The following CATSPERB variants were observed in gnomAD, a reference collection of about 807,000 sequenced individuals.
The protein encoded by CATSPERB is cation channel sperm-associated auxiliary subunit beta.
CATSPERB carries 93 observed loss-of-function variants against 128.3 expected under a neutral mutation model. The observed-to-expected ratio is 0.72, with a 90% CI of 0.61 to 0.86. CATSPERB has a LOEUF of 0.86. Ranked by LOEUF, CATSPERB falls within the 40% of genes least tolerant of loss-of-function variation. The pLI, the probability that CATSPERB is intolerant of heterozygous loss-of-function variation, is 0.00. For missense variants in CATSPERB, 1,153 were observed against 1,329.5 expected, an observed-to-expected ratio of 0.87 and a Z score of 2.06; for synonymous variants, 381 against 448.8, an observed-to-expected ratio of 0.85 and a Z score of 1.91.
At chr14:91,705,964 G>GAA (rs11411160) in intron 6 of CATSPERB, among the ~76,000 whole-genome samples, 3 of 151,570 alleles carry the variant, frequency 2.0e-5, no homozygotes, top group African/African-American at 7.3e-5. Flanking sequence ...AAAAAAATGA[G>GAA]AAAAAAAAGA....
intron 7 of CATSPERB, among the ~76,000 whole-genome samples, chr14:91,702,707 A>ACACACACACACAC (rs1555364571): frequency 1.3e-5 from 1 of 76,110 alleles, no homozygotes; most frequent in Non-Finnish European, 3.0e-5. Context: ...CACACACACA[A>ACACACACACACAC]ACCAAAAACA....
chr14:91,728,200 G>A (rs1896150290), intron 2 of CATSPERB, among the ~76,000 whole-genome samples: 1 of 152,120 alleles, frequency 6.6e-6, no homozygotes, highest in African/African-American at 2.4e-5. Context: ...TGCAACTTCT[G>A]CCTCCTGGGG....
chr14:91,657,580 A>G (rs1894808856), intron 15 of CATSPERB, among the ~76,000 whole-genome samples: 1 of 152,148 alleles, frequency 6.6e-6, no homozygotes, highest in Admixed American at 6.5e-5. Context: ...AAGTGAACAG[A>G]CAATCCACAG....
intron 22 of CATSPERB, chr14:91,603,096 G>A (rs1595141608): frequency 1.3e-6 from 1 of 786,176 alleles, no homozygotes; most frequent in African/African-American, 1.7e-5. Context: ...TTATTTCTTG[G>A]CATCATCTCT....
intron 5 of CATSPERB, among the ~76,000 whole-genome samples, chr14:91,714,234 T>C (rs564402174): frequency 2.7e-5 from 4 of 149,986 alleles, no homozygotes; most frequent in African/African-American, 9.8e-5. Flanking sequence ...TACTATTCCT[T>C]TCATACTGGA....
intron 19 of CATSPERB, among the ~76,000 whole-genome samples, chr14:91,620,205 G>A (rs1894017434): frequency 6.6e-6 from 1 of 152,072 alleles, no homozygotes; most frequent in Non-Finnish European, 1.5e-5. Context: ...TGCTGCTTTA[G>A]GAAAACTCTG....
chr14:91,719,533 T>C, intron 4 of CATSPERB, 55 bp from the exon 5 acceptor site: 4 of 1,276,454 alleles, frequency 3.1e-6, no homozygotes, highest in Non-Finnish European at 4.5e-6. Flanking sequence ...TAACAACACA[T>C]CACATTCTAT....
At chr14:91,621,527 G>A (rs1047448844) in intron 19 of CATSPERB, 81 bp downstream of exon 19, 1 of 1,121,082 alleles carries the variant, frequency 8.9e-7, no homozygotes, top group African/African-American at 1.6e-5. Flanking sequence ...GATAAAGTCA[G>A]TCAGTATCAA....
At chr14:91,615,178 T>A (rs984477855) in intron 20 of CATSPERB, among the ~76,000 whole-genome samples, 2 of 151,966 alleles carry the variant, frequency 1.3e-5, no homozygotes, top group South Asian at 4.2e-4. Context: ...AGGAGGTGAG[T>A]GGCAGAGAAG....
chr14:91,707,361 A>G (rs1213836464), intron 6 of CATSPERB, among the ~76,000 whole-genome samples: 1 of 152,174 alleles, frequency 6.6e-6, no homozygotes, highest in Non-Finnish European at 1.5e-5. Context: ...TTTTATATTG[A>G]TATTTCAGTA....
rs532783295 is a variant in CATSPERB, at chr14:91,691,384, A to T, written c.864+139T>A. ...TGCTACAAATTCATATATATAAAAA[A>T]ATATATATTTTGTTTAAACTATAAA... On this transcript the variant is annotated intron_variant, in intron 10 of 26. Transcript: ENST00000256343. 2.6e-4 allele frequency: 102 copies of T among 397,992 alleles called. No individual in the cohort carries two copies. The South Asian group carries it at 3.2e-3, about 12-fold the overall frequency. The allele number at this position is 397,992 out of a possible 1,614,324, so 24.7% of individuals were successfully genotyped here.
intron 17 of CATSPERB, among the ~76,000 whole-genome samples, chr14:91,628,805 G>C (rs1346418818): frequency 4.6e-5 from 7 of 152,160 alleles, no homozygotes; most frequent in Non-Finnish European, 7.3e-5. Flanking sequence ...TCAGGGAAAT[G>C]CAAATTAACA....
At chr14:91,612,339 C>CG (rs1157584939) in intron 20 of CATSPERB, among the ~76,000 whole-genome samples, 1 of 152,126 alleles carries the variant, frequency 6.6e-6, no homozygotes, top group African/African-American at 2.4e-5. Flanking sequence ...TTTATAGAGA[C>CG]GGGGTCTCGC....
chr14:91,694,097 G>A lies in CATSPERB; in HGVS notation c.617-618C>T, dbSNP rs190745295. Reference sequence around the variant, plus strand: ...CCACTTGATCTTCACTTCTATTTGTGAACTGCCATGCACATAAATAATAAA... The same window carrying A: ...CCACTTGATCTTCACTTCTATTTGTAAACTGCCATGCACATAAATAATAAA... On this transcript the variant is annotated intron_variant, in intron 7 of 26. Transcript: ENST00000256343. Among the ~76,000 whole-genome samples, 10 of 140,334 alleles carry A rather than the reference G, an allele frequency of 7.1e-5. 1 individual carries two copies. Among genetic ancestry groups the A allele is most frequent in the African/African-American group, 2.7e-4 (10 of 37,386 alleles). 92.1% of individuals were successfully genotyped at this position (140,334 alleles called of 152,430 possible).
Position 91,589,543 on chromosome 14 carries a change from A to C in CATSPERB, c.2947T>G (p.Trp983Gly), listed in dbSNP as rs759346220. The C allele has an allele frequency of 6.2e-7, 1 of 1,612,856 alleles. No homozygotes were observed. The highest frequency in any genetic ancestry group is 8.5e-7 in the Non-Finnish European group (1 of 1,179,294). Residue 983 changes from tryptophan to glycine, a missense_variant, in exon 24 of 27, where the codon TGG becomes GGG. Transcript: ENST00000256343. ...TVTEVNMRHN[W>G]KLKHTVPENI... ...TGAAAGCAAACCCTACTCAGTTTCC[A>C]GTTGTGCCTCATGTTCACTTCAGTC...
intron 21 of CATSPERB, among the ~76,000 whole-genome samples, chr14:91,608,685 G>A (rs1396726926): frequency 6.6e-6 from 1 of 152,158 alleles, no homozygotes; most frequent in East Asian, 1.9e-4. Flanking sequence ...ATGTATCATA[G>A]TTAGTAAATA....
At position 91,589,635 on chromosome 14, in the gene CATSPERB, G is replaced by T. The variant is rs1216818013; in HGVS notation, c.2855C>A (p.Pro952Gln). The change falls in exon 24 of 27, where the codon CCA (proline) becomes CAA (glutamine). Residue 952 changes from proline (P) to glutamine (Q), a missense_variant. Pro to Gln is a moderately conservative substitution (Grantham distance 76). Transcript: ENST00000256343. The stretch of plus-strand genomic sequence containing the variant: ...CTCGTTGATAATTTCCAAAGAAACT[G>T]GATATTGTGTAATTGGAAACTTAAA... ...PRFKFPITQY[P>Q]VSLEIINEDG... 6.2e-7 allele frequency: 1 copy of T among 1,613,604 alleles called. No individual in the cohort carries two copies. Among genetic ancestry groups the T allele is most frequent in the Admixed American group, 1.7e-5 (1 of 60,002 alleles).
At chr14:91,691,732 CTCTGATAT>C (rs1895474781) in intron 9 of CATSPERB, among the ~76,000 whole-genome samples, 177 bp from the exon 10 acceptor site, 1 of 152,148 alleles carries the variant, frequency 6.6e-6, no homozygotes, top group African/African-American at 2.4e-5. Context: ...TAAAAGCAAA[CTCTGATAT>C]AGTTTATACA....
chr14:91,605,602 C>G (rs143271307), intron 22 of CATSPERB, among the ~76,000 whole-genome samples: 1 of 152,172 alleles, frequency 6.6e-6, no homozygotes, highest in East Asian at 1.9e-4. Context: ...CAAACTCTTT[C>G]GCTGGCTCAT....
Sources: allele counts gnomAD v4.1 joint callset (sites outside exome capture counted in the v4.1 genomes callset), GRCh38; gene constraint gnomAD v4.1.1; transcripts MANE v1.5; gene names NCBI Gene and HGNC (gene_info 2026-07-23, HGNC 2026-07-21).